Variants in INSR observed in about 807,000 individuals in gnomAD.
INSR encodes the protein IR.
A neutral mutation model predicts 142.6 loss-of-function variants in INSR; 67 were observed. That is an observed-to-expected ratio of 0.47 (90% CI 0.39 to 0.58). The LOEUF (loss-of-function observed/expected upper bound fraction) is 0.58. Among genes scored for constraint, INSR ranks in the 20% least tolerant of loss-of-function variants. The pLI is 0.00. For synonymous variants in INSR, 756 were observed against 743.1 expected (o/e 1.02, Z -0.28); for missense variants, 1,248 against 1,833.2 (o/e 0.68, Z 5.83).
Position 7,267,255 on chromosome 19 carries a change from G to A in INSR, c.652+90C>T. 3 of 1,385,066 alleles carry A rather than the reference G, an allele frequency of 2.2e-6. No individual in the cohort carries two copies. Among genetic ancestry groups the A allele is most frequent in the Non-Finnish European group, 3.1e-6 (3 of 982,830 alleles). The allele number at this position is 1,385,066 out of a possible 1,614,324, so 85.8% of individuals were successfully genotyped here. Reference sequence around the variant, plus strand: ...CACTATTCCCCGGCCCCTACCTAATGACCATTTAACATTTTTAAGCCATAA... The same window carrying A: ...CACTATTCCCCGGCCCCTACCTAATAACCATTTAACATTTTTAAGCCATAA... On this transcript the variant is annotated intron_variant, in intron 2 of 21. Transcript: ENST00000302850. The surrounding 1 kb of genome is among the most constrained non-coding windows in gnomAD (Gnocchi z 6.3).
rs1352100417 is a variant in INSR at position 7,150,420 on chromosome 19, G to A, written c.2267+77C>T. The A allele has an allele frequency of 1.5e-6, 2 of 1,371,470 alleles. No individual in the cohort carries two copies. The highest frequency in any genetic ancestry group is 1.4e-5 in the African/African-American group (1 of 69,922). The allele number at this position is 1,371,470 out of a possible 1,614,324, so 85.0% of individuals were successfully genotyped here. ...TGCAAAAAGCCACAGAAACCCCTGG[G>A]TTCTCCGAGGCATCTGCCTGGCACG... On this transcript the variant is annotated intron_variant, in intron 11 of 21. Coordinates refer to ENST00000302850, the MANE Select transcript of INSR (RefSeq NM_000208.4). This position sits in a 1 kb window ranked among gnomAD's most constrained non-coding sequence, Gnocchi z 4.2.
intron 2 of INSR, among the ~76,000 whole-genome samples, chr19:7,264,376 C>A (rs921412795): frequency 2.0e-5 from 3 of 152,068 alleles, no homozygotes; most frequent in Admixed American, 2.0e-4. Flanking sequence ...CAACTGAACA[C>A]CCAGCAGGGA....
chr19:7,242,604 G>A (rs1976389329), intron 2 of INSR, among the ~76,000 whole-genome samples: 1 of 151,502 alleles, frequency 6.6e-6, no homozygotes. Flanking sequence ...CAGGTGTGGT[G>A]TGGGCGCCTG....
chr19:7,229,673 G>T (rs1261796561), intron 2 of INSR, among the ~76,000 whole-genome samples: 1 of 150,592 alleles, frequency 6.6e-6, no homozygotes, highest in Non-Finnish European at 1.5e-5. Flanking sequence ...CTTAGCTACA[G>T]TTTTTAAACT....
chr19:7,157,501 G>C (rs906348798), intron 9 of INSR, among the ~76,000 whole-genome samples: 8 of 144,910 alleles, frequency 5.5e-5, no homozygotes, highest in Admixed American at 1.4e-4. Flanking sequence ...GAGCTCGAAC[G>C]ATCTGCCCGC....
intron 2 of INSR, among the ~76,000 whole-genome samples, chr19:7,262,551 A>G (rs1267860490): frequency 6.6e-6 from 1 of 152,222 alleles, no homozygotes; most frequent in Non-Finnish European, 1.5e-5. Flanking sequence ...AGATGCGTCA[A>G]CAGCAGTGGC....
At chr19:7,285,821 T>C (rs548356869) in intron 1 of INSR, among the ~76,000 whole-genome samples, 2 of 151,826 alleles carry the variant, frequency 1.3e-5, no homozygotes, top group East Asian at 3.9e-4. Context: ...GGGGTGGAGG[T>C]GGTTTAGTGA....
At chr19:7,172,489 CATG>C (rs1371030034) in intron 4 of INSR, 55 bp from the exon 5 acceptor site, 2 of 1,564,910 alleles carry the variant, frequency 1.3e-6, no homozygotes, top group Non-Finnish European at 1.8e-6. Context: ...TCAATCTTCT[CATG>C]ATTCTCCATG....
intron 9 of INSR, among the ~76,000 whole-genome samples, chr19:7,157,926 C>T (rs1973639045): frequency 6.6e-6 from 1 of 151,800 alleles, no homozygotes; most frequent in Non-Finnish European, 1.5e-5. Flanking sequence ...CTGGAAAATA[C>T]TTCTTAAGTT....
intron 1 of INSR, among the ~76,000 whole-genome samples, chr19:7,274,679 T>C (rs1179600894): frequency 6.6e-6 from 1 of 151,172 alleles, no homozygotes; most frequent in Non-Finnish European, 1.5e-5. Context: ...GGCAGGTGCC[T>C]GTAGTCCCAG....
chr19:7,133,167 C>T (rs35195999), intron 13 of INSR, among the ~76,000 whole-genome samples: 21,496 of 151,946 alleles, frequency 0.14, 2,188 homozygotes, highest in African/African-American at 0.29. Context: ...GAGGCTAAGG[C>T]GGAAGAATCA....
chr19:7,245,321 G>A (rs1490299314), intron 2 of INSR, among the ~76,000 whole-genome samples: 2 of 152,040 alleles, frequency 1.3e-5, no homozygotes, highest in African/African-American at 2.4e-5. Context: ...GTGTAATAGG[G>A]AAAAAACTAG....
In INSR at chr19:7,207,581, C is replaced by CAA. The variant is rs59695609; in HGVS notation, c.653-22946_653-22945dup. Among the ~76,000 whole-genome samples, 137 of 150,872 alleles carry CAA rather than the reference C, an allele frequency of 9.1e-4. 1 individual carries two copies. The highest frequency in any genetic ancestry group is 2.6e-3 in the African/African-American group (109 of 41,190). On this transcript the variant is annotated intron_variant, in intron 2 of 21. Transcript: ENST00000302850. ...TATCACGAGAATAAAGCAACCATCT[C>CAA]AAAAAACAACATGAGTTTCCCCACT...
chr19:7,126,536 G>T, intron 16 of INSR, 48 bp downstream of exon 16: 2 of 1,473,382 alleles, frequency 1.4e-6, no homozygotes, highest in Non-Finnish European at 1.9e-6. Context: ...GGCAAAGGAA[G>T]CTGATGAGTA....
intron 2 of INSR, among the ~76,000 whole-genome samples, chr19:7,206,476 C>G (rs1411472776): frequency 6.6e-6 from 1 of 152,218 alleles, no homozygotes; most frequent in African/African-American, 2.4e-5. Context: ...TTTACAGTCA[C>G]TCCTCATTGC....
intron 13 of INSR, among the ~76,000 whole-genome samples, chr19:7,135,378 T>C (rs1253225665): frequency 1.0e-4 from 13 of 125,582 alleles, no homozygotes; most frequent in Admixed American, 7.0e-4. Context: ...TGCAGTGGCA[T>C]GATCTTGGCT....
intron 1 of INSR, among the ~76,000 whole-genome samples, chr19:7,272,512 G>A (rs947179491): frequency 1.2e-4 from 18 of 152,040 alleles, no homozygotes; most frequent in African/African-American, 4.1e-4. Flanking sequence ...CAGCTGCTAC[G>A]GAGGCTGAGG....
At chr19:7,153,344 C>CA (rs1491508880) in intron 9 of INSR, among the ~76,000 whole-genome samples, 6 of 125,472 alleles carry the variant, frequency 4.8e-5, no homozygotes, top group Non-Finnish European at 6.2e-5. Flanking sequence ...ACGCCACACA[C>CA]CACAGACCAC....
At position 7,184,494 on chromosome 19, in the gene INSR, C is replaced by T. The variant is rs556954154; in HGVS notation, c.796G>A (p.Glu266Lys). The T allele has an allele frequency of 1.1e-5, 18 of 1,613,962 alleles. No homozygotes were observed. In the African/African-American group the frequency reaches 2.4e-4, roughly 22 times the overall value. ...RNFYLDGRCV[E>K]TCPPPYYHFQ... Reference sequence around the variant, plus strand: ...TGGTAGTACGGGGGCGGGCAGGTCTCCACACACCTGCCGTCCAGGTAGAAG... The same window carrying T: ...TGGTAGTACGGGGGCGGGCAGGTCTTCACACACCTGCCGTCCAGGTAGAAG... The change falls in exon 3 of 22, where the codon GAG becomes AAG. Residue 266 changes from glutamate (E) to lysine (K), a missense_variant. By Grantham distance (56) the Glu-to-Lys change is moderately conservative (BLOSUM62 1). Around this residue, in one of 3 missense-constraint regions of INSR, gnomAD observed 1,069 missense variants for 1,654.0 expected, o/e 0.65. Transcript: ENST00000302850.
Sources: allele counts gnomAD v4.1 joint callset (sites outside exome capture counted in the v4.1 genomes callset), GRCh38; gene constraint gnomAD v4.1.1; regional missense constraint gnomAD v4.1.1; non-coding constraint Gnocchi (gnomAD v3.1); transcripts MANE v1.5; gene names NCBI Gene and HGNC (gene_info 2026-07-23, HGNC 2026-07-21).